ARNT2: variants seen among roughly 807,000 people sequenced by gnomAD.
ARNT2 encodes aryl hydrocarbon receptor nuclear translocator 2, also known as ARNT protein 2.
In ARNT2, 36 loss-of-function variants were observed where a neutral mutation model predicts 91.7. The ratio of observed to expected loss-of-function variants is 0.39; its 90% confidence interval spans 0.30 to 0.52. The LOEUF is 0.52. Ranked by LOEUF, ARNT2 falls within the 20% of genes least tolerant of loss-of-function variation. The probability of loss-of-function intolerance (pLI) is 0.72; values close to 1 mark genes in which losing one functional copy is unlikely to be tolerated. For missense variants in ARNT2, 775 were observed against 939.3 expected (o/e 0.83, Z 2.29); for synonymous variants, 365 against 347.1 (o/e 1.05, Z -0.57).
intron 13 of ARNT2, among the ~76,000 whole-genome samples, chr15:80,574,599 C>A (rs1395324108): frequency 6.6e-6 from 1 of 152,224 alleles, no homozygotes; most frequent in African/African-American, 2.4e-5. Flanking sequence ...CCTGTTCTTC[C>A]TCAATGTGCC....
chr15:80,431,981 A>T (rs1268322986), intron 1 of ARNT2, among the ~76,000 whole-genome samples: 1 of 152,202 alleles, frequency 6.6e-6, no homozygotes, highest in African/African-American at 2.4e-5. Flanking sequence ...TTCCTCCAGG[A>T]CAAGCTCAGG....
At chr15:80,450,396 G>A (rs889600833) in intron 1 of ARNT2, among the ~76,000 whole-genome samples, 3 of 152,242 alleles carry the variant, frequency 2.0e-5, no homozygotes, top group Non-Finnish European at 4.4e-5. Context: ...CAGAGTAGGC[G>A]TGGCAACCAG....
chr15:80,586,569 G>A (rs2141485456), intron 17 of ARNT2, among the ~76,000 whole-genome samples: 1 of 152,236 alleles, frequency 6.6e-6, no homozygotes, highest in Admixed American at 6.5e-5. Flanking sequence ...AGAATTGAAA[G>A]AATTTGTTAT....
At chr15:80,519,086 C>T (rs904887059) in intron 8 of ARNT2, among the ~76,000 whole-genome samples, 6 of 152,148 alleles carry the variant, frequency 3.9e-5, no homozygotes, top group Non-Finnish European at 8.8e-5. Context: ...ATTCATTCAA[C>T]ACGTATTTGT....
intron 1 of ARNT2, among the ~76,000 whole-genome samples, chr15:80,437,060 G>A (rs1447986377): frequency 6.6e-6 from 1 of 151,954 alleles, no homozygotes; most frequent in Non-Finnish European, 1.5e-5. Flanking sequence ...CTGTTTGCTG[G>A]TCCTTCTTCT....
At chr15:80,531,077 G>A (rs373324889) in intron 8 of ARNT2, among the ~76,000 whole-genome samples, 27 of 152,288 alleles carry the variant, frequency 1.8e-4, no homozygotes, top group East Asian at 1.4e-3. Flanking sequence ...GATGCATGCC[G>A]TGAACAAGTA....
Position 80,575,107 on chromosome 15 carries a change from G to A in ARNT2, c.1510G>A (p.Ala504Thr), listed in dbSNP as rs377084803. Residue 504 changes from alanine (A) to threonine (T), a missense_variant, in exon 14 of 19, where the codon GCA (alanine) becomes ACA (threonine). Ala to Thr is a moderately conservative substitution (Grantham distance 58). Around this residue, in one of 5 missense-constraint regions of ARNT2, gnomAD observed 325 missense variants for 359.9 expected, o/e 0.90. Transcript: ENST00000303329. ...TGCTGAAATGTTTGCAGGAATTAGT[G>A]CATGTAAGTTTCCAAATGGTACTGA... ...RFAEMFAGIS[A>T]SEKKMMSSAS... is the part of the protein sequence containing the mutation. 1.9e-6 allele frequency: 3 copies of A among 1,614,126 alleles called. No homozygotes were observed. Among genetic ancestry groups the A allele is most frequent in the Non-Finnish European group, 2.5e-6 (3 of 1,179,958 alleles).
chr15:80,421,027 G>A (rs540445193), intron 1 of ARNT2, among the ~76,000 whole-genome samples: 2 of 152,098 alleles, frequency 1.3e-5, no homozygotes, highest in African/African-American at 4.8e-5. Flanking sequence ...CTGATGAGTG[G>A]ATAAAGAAAA....
chr15:80,409,278 G>T (rs553356109), intron 1 of ARNT2, among the ~76,000 whole-genome samples: 119 of 152,190 alleles, frequency 7.8e-4, no homozygotes, highest in African/African-American at 2.7e-3. Context: ...TGTTTTTACT[G>T]TCTCCATAGT....
chr15:80,412,796 A>G (rs1382464250), intron 1 of ARNT2, among the ~76,000 whole-genome samples: 4 of 152,250 alleles, frequency 2.6e-5, no homozygotes. Flanking sequence ...TCTTTGAAGT[A>G]GAATTGAACA....
chr15:80,576,987 A>G, intron 15 of ARNT2, 22 bp downstream of exon 15: 1 of 1,610,222 alleles, frequency 6.2e-7, no homozygotes, highest in Non-Finnish European at 8.5e-7. Flanking sequence ...CGAGGGGGAC[A>G]ATGGCGTGGG....
At chr15:80,485,501 G>T (rs1896957271) in intron 5 of ARNT2, among the ~76,000 whole-genome samples, 1 of 152,196 alleles carries the variant, frequency 6.6e-6, no homozygotes, top group African/African-American at 2.4e-5. Flanking sequence ...ACACCAAAGA[G>T]ATAATCACAT....
chr15:80,445,396 G>A (rs555788722), intron 1 of ARNT2, among the ~76,000 whole-genome samples: 32 of 148,878 alleles, frequency 2.1e-4, no homozygotes, highest in Admixed American at 1.2e-3. Flanking sequence ...TGCAGGTGTC[G>A]TGTATGTGTG....
At chr15:80,583,864 A>G in intron 17 of ARNT2, among the ~76,000 whole-genome samples, 1 of 152,214 alleles carries the variant, frequency 6.6e-6, no homozygotes, top group East Asian at 1.9e-4. Context: ...TTAAGCAGGA[A>G]TTGGATGTCC....
At chr15:80,462,907 T>G (rs1896582389) in intron 3 of ARNT2, among the ~76,000 whole-genome samples, 1 of 152,178 alleles carries the variant, frequency 6.6e-6, no homozygotes, top group Admixed American at 6.5e-5. Flanking sequence ...TTTGGTTTTG[T>G]GTGGTATTTA....
chr15:80,470,444 T>C lies in ARNT2; in HGVS notation c.408+13T>C. 6.2e-7 allele frequency: 1 copy of C among 1,612,324 alleles called. No individual in the cohort carries two copies. On this transcript the variant is annotated intron_variant, in intron 4 of 18. Coordinates refer to ENST00000303329, the MANE Select transcript of ARNT2 (RefSeq NM_014862.4). ...CCTCACAGAGCAGGTACCCTGGTCA[T>C]CACATCACCATTGGAAAGCGGGGGG...
chr15:80,597,275 CTCCG>C lies in ARNT2; in HGVS notation c.*3580_*3583del, dbSNP rs745727162. 1.9e-6 allele frequency: 1 copy of C among 518,588 alleles called. No homozygotes were observed. The highest frequency in any genetic ancestry group is 5.5e-5 in the East Asian group (1 of 18,348). The allele number at this position is 518,588 out of a possible 1,614,324, so 32.1% of individuals were successfully genotyped here. On this transcript the variant is annotated 3_prime_UTR_variant, in exon 19 of 19. Coordinates refer to ENST00000303329, the MANE Select transcript of ARNT2 (RefSeq NM_014862.4). Reference sequence around the variant, plus strand: ...TGCGAGAATGTGAACGCTCACCTTGCTCCGTCACGGTTCTGACCTACCACATAAA... The same window carrying C: ...TGCGAGAATGTGAACGCTCACCTTGCTCACGGTTCTGACCTACCACATAAA...
chr15:80,553,522 A>G (rs577311029), intron 10 of ARNT2, among the ~76,000 whole-genome samples: 5 of 152,336 alleles, frequency 3.3e-5, no homozygotes, highest in Non-Finnish European at 7.3e-5. Flanking sequence ...GAGAAGTACC[A>G]TGATGTCCAC....
rs1049096964 is a variant in ARNT2 at position 80,591,500 on chromosome 15, G to A, written c.1919-68G>A. The stretch of plus-strand genomic sequence containing the variant: ...AAGCGGGAGGCCCTCCAGCCGCAGT[G>A]GTTCTTAGGTCTCACAGAACCACGG... On this transcript the variant is annotated intron_variant, in intron 17 of 18. Coordinates refer to ENST00000303329, the MANE Select transcript of ARNT2 (RefSeq NM_014862.4). This position sits in a 1 kb window ranked among gnomAD's most constrained non-coding sequence, Gnocchi z 5.1. 10 of 1,598,432 alleles carry A rather than the reference G, an allele frequency of 6.3e-6. No individual in the cohort carries two copies. The highest frequency in any genetic ancestry group is 1.7e-4 in the Middle Eastern group (1 of 5,768).
Sources: allele counts gnomAD v4.1 joint callset (sites outside exome capture counted in the v4.1 genomes callset), GRCh38; gene constraint gnomAD v4.1.1; regional missense constraint gnomAD v4.1.1; non-coding constraint Gnocchi (gnomAD v3.1); transcripts MANE v1.5; gene names NCBI Gene and HGNC (gene_info 2026-07-23, HGNC 2026-07-21).